Variants in RIMS3 observed in about 807,000 individuals in gnomAD.
The protein encoded by RIMS3 is regulating synaptic membrane exocytosis protein 3.
RIMS3 carries 15 observed loss-of-function variants against 29.2 expected under a neutral mutation model. That is an observed-to-expected ratio of 0.51 (90% CI 0.34 to 0.79). The LOEUF is 0.79. RIMS3 is among the 30% of genes least tolerant of loss of function. RIMS3 has a pLI of 0.01. For synonymous variants in RIMS3, 161 were observed against 170.1 expected, an observed-to-expected ratio of 0.95 and a Z score of 0.41; for missense variants, 342 against 421.4, an observed-to-expected ratio of 0.81 and a Z score of 1.65.
intron 5 of RIMS3, among the ~76,000 whole-genome samples, chr1:40,631,756 A>C (rs1383817709): frequency 6.6e-6 from 1 of 152,076 alleles, no homozygotes; most frequent in Non-Finnish European, 1.5e-5. Flanking sequence ...GAGGTGGATG[A>C]GGTCAGGAGT....
At chr1:40,638,867 TA>T (rs1162480214) in intron 3 of RIMS3, among the ~76,000 whole-genome samples, 1 of 152,154 alleles carries the variant, frequency 6.6e-6, no homozygotes, top group Non-Finnish European at 1.5e-5. Context: ...AGCGGAAAAG[TA>T]AATTTCCCGA....
In RIMS3 at chr1:40,661,675, T is replaced by A. The variant is rs1570206435; in HGVS notation, c.-207+3719A>T. 2.6e-5 allele frequency among the ~76,000 whole-genome samples: 4 copies of A among 152,336 alleles called. No individual in the cohort carries two copies. In the East Asian group the frequency reaches 7.7e-4, roughly 29 times the overall value. ...CCAGATAGGGTTTATGGTTTCCATGTGGAATTTCACTTTATCGTTTTCCTA... is the reference window on the plus strand; with the variant it reads ...CCAGATAGGGTTTATGGTTTCCATGAGGAATTTCACTTTATCGTTTTCCTA... On this transcript the variant is annotated intron_variant, in intron 1 of 7. Coordinates refer to ENST00000372684, the MANE Select transcript of RIMS3 (RefSeq NM_014747.3).
chr1:40,645,758 C>G (rs989611409), intron 2 of RIMS3, among the ~76,000 whole-genome samples: 1 of 152,192 alleles, frequency 6.6e-6, no homozygotes. Flanking sequence ...ATTCCTGACC[C>G]TGCCAACCCA....
chr1:40,691,559 T>G, the RIMS3 span: 1 of 300,156 alleles, frequency 3.3e-6, no homozygotes. Flanking sequence ...GGGGGCGGGG[T>G]TAAAACTCTC....
intron 1 of RIMS3, 104 bp from the exon 2 acceptor site, chr1:40,647,946 T>A (rs1646606227): frequency 1.3e-5 from 2 of 152,364 alleles, no homozygotes. Context: ...GAAGAAGCTG[T>A]GTGACCTTGA....
At chr1:40,642,244 C>T (rs188369133) in intron 2 of RIMS3, among the ~76,000 whole-genome samples, 4 of 152,318 alleles carry the variant, frequency 2.6e-5, no homozygotes, top group East Asian at 1.9e-4. Flanking sequence ...GGCCTCTACA[C>T]ACTAGCTGCG....
chr1:40,661,371 C>T (rs762143823), intron 1 of RIMS3, among the ~76,000 whole-genome samples: 1 of 152,106 alleles, frequency 6.6e-6, no homozygotes, highest in Non-Finnish European at 1.5e-5. Flanking sequence ...TTTGCAGATC[C>T]ATGTCTCTCC....
At chr1:40,634,696 C>T (rs750315889) in intron 4 of RIMS3, among the ~76,000 whole-genome samples, 1 of 152,150 alleles carries the variant, frequency 6.6e-6, no homozygotes, top group Non-Finnish European at 1.5e-5. Context: ...AATCCCAGCA[C>T]TTTGGGAAGC....
chr1:40,638,165 T>G (rs1646532616), intron 3 of RIMS3, among the ~76,000 whole-genome samples: 1 of 152,104 alleles, frequency 6.6e-6, no homozygotes, highest in African/African-American at 2.4e-5. Context: ...AAGCCTGAGG[T>G]TCAGGTGCCG....
At chr1:40,627,457 T>A (rs1646462010) in intron 7 of RIMS3, among the ~76,000 whole-genome samples, 1 of 152,166 alleles carries the variant, frequency 6.6e-6, no homozygotes, top group African/African-American at 2.4e-5. Context: ...CTTGATCTCC[T>A]GACCTCGTGA....
rs1310961414 is a variant in RIMS3 at position 40,629,275 on chromosome 1, G to A, written c.570C>T (p.Leu190=). ...GLTPKPGSKS[L]PATYIKVYLL... ...CCCATTTCCAAAATCCCTCACCTGG[G>A]AGGGATTTGGAGCCTGGTTTGGGGG... Residue 190 remains leucine (L), a synonymous_variant, in exon 6 of 8, where the codon CTC becomes CTT. Transcript: ENST00000372684. The A allele has an allele frequency of 1.2e-6, 2 of 1,613,688 alleles. No homozygotes were observed. The highest frequency in any genetic ancestry group is 8.5e-7 in the Non-Finnish European group (1 of 1,179,722).
chr1:40,679,643 G>A, the RIMS3 span, among the ~76,000 whole-genome samples: 1 of 152,086 alleles, frequency 6.6e-6, no homozygotes, highest in Admixed American at 6.5e-5. Flanking sequence ...CTTGGGTAGA[G>A]CAGGGCTGAG....
At chr1:40,691,747 C>G in the RIMS3 span, 1 of 455,358 alleles carries the variant, frequency 2.2e-6, no homozygotes, top group African/African-American at 2.0e-5. Context: ...CCGCTTCGCG[C>G]GCGCTCCGTT....
chr1:40,652,660 A>G (rs1460028860), intron 1 of RIMS3, among the ~76,000 whole-genome samples: 1 of 152,212 alleles, frequency 6.6e-6, no homozygotes, highest in Non-Finnish European at 1.5e-5. Context: ...ACTGCGGAAC[A>G]GAGGGCTGGA....
intron 2 of RIMS3, among the ~76,000 whole-genome samples, chr1:40,642,440 CAG>C (rs1277825526): frequency 6.6e-6 from 1 of 152,138 alleles, no homozygotes; most frequent in African/African-American, 2.4e-5. Flanking sequence ...CAAATAATAA[CAG>C]GGAGAACAGA....
At chr1:40,640,922 T>A (rs1015873873) in intron 3 of RIMS3, among the ~76,000 whole-genome samples, 2 of 152,234 alleles carry the variant, frequency 1.3e-5, no homozygotes, top group African/African-American at 4.8e-5. Context: ...TGACTGGTTT[T>A]ATCTGTGACC....
At chr1:40,637,169 G>A (rs1646525656) in intron 3 of RIMS3, among the ~76,000 whole-genome samples, 2 of 152,228 alleles carry the variant, frequency 1.3e-5, no homozygotes, top group African/African-American at 4.8e-5. Flanking sequence ...AAAACAGTGG[G>A]GAGCAGGGAG....
the RIMS3 span, among the ~76,000 whole-genome samples, chr1:40,684,942 A>G: frequency 6.6e-6 from 1 of 152,178 alleles, no homozygotes; most frequent in Admixed American, 6.5e-5. Flanking sequence ...AGGAGAAGCC[A>G]TAGACTCCAT....
chr1:40,645,825 T>C (rs762748628), intron 2 of RIMS3, among the ~76,000 whole-genome samples: 1 of 152,194 alleles, frequency 6.6e-6, no homozygotes, highest in African/African-American at 2.4e-5. Flanking sequence ...TGGTTTGGCA[T>C]CAAGGTCTCT....
Sources: gnomAD v4.1 joint callset for allele counts (sites outside exome capture counted in the v4.1 genomes callset) on GRCh38, gnomAD v4.1.1 for gene constraint, MANE v1.5 for transcripts, NCBI Gene and HGNC (gene_info 2026-07-23, HGNC 2026-07-21) for gene names.